The following PDGFA variants were observed in gnomAD, a reference collection of about 807,000 sequenced individuals.
PDGFA encodes platelet-derived growth factor subunit A.
PDGFA carries 9 observed loss-of-function variants against 25.6 expected under a neutral mutation model. That is an observed-to-expected ratio of 0.35 (90% confidence interval 0.21 to 0.61). PDGFA has a LOEUF of 0.61. Among genes scored for constraint, PDGFA ranks in the 20% least tolerant of loss-of-function variants. PDGFA has a pLI of 0.75. For missense variants in PDGFA, 242 were observed against 272.8 expected (o/e 0.89, Z 0.79); for synonymous variants, 133 against 111.8 (o/e 1.19, Z -1.20).
chr7:501,973 C>G (rs1303933994), intron 4 of PDGFA, among the ~76,000 whole-genome samples: 1 of 152,126 alleles, frequency 6.6e-6, no homozygotes, highest in South Asian at 2.1e-4. Flanking sequence ...GCCTGTAATC[C>G]CAGCACTTTG....
At chr7:502,362 C>G (rs888784503) in intron 4 of PDGFA, among the ~76,000 whole-genome samples, 1 of 151,026 alleles carries the variant, frequency 6.6e-6, no homozygotes, top group Admixed American at 6.6e-5. Flanking sequence ...ACCTCCCCGC[C>G]GGCCCCAGGC....
intron 4 of PDGFA, among the ~76,000 whole-genome samples, chr7:508,590 T>TAAAAACCC (rs1275774675): frequency 1.5e-5 from 2 of 130,896 alleles, no homozygotes; most frequent in Non-Finnish European, 3.2e-5. Flanking sequence ...AAAAAAAAAT[T>TAAAAACCC]CTCAGCTGAG....
chr7:516,050 C>G (rs1284044169), intron 2 of PDGFA, among the ~76,000 whole-genome samples: 1 of 33,308 alleles, frequency 3.0e-5, no homozygotes, highest in Non-Finnish European at 6.7e-5. Context: ...GCCCCCCCCC[C>G]CCACTTTTCC....
At chr7:511,470 T>A (rs901195112) in intron 3 of PDGFA, among the ~76,000 whole-genome samples, 3 of 149,622 alleles carry the variant, frequency 2.0e-5, no homozygotes, top group African/African-American at 2.5e-5. Context: ...ACTTGCTGCA[T>A]GCTCTAGCCT....
intron 3 of PDGFA, 88 bp downstream of exon 3, chr7:512,263 C>G: frequency 3.2e-6 from 4 of 1,260,336 alleles, no homozygotes; most frequent in Non-Finnish European, 4.4e-6. Context: ...GGCAGCTCCT[C>G]CCCACCCGGC....
intron 4 of PDGFA, among the ~76,000 whole-genome samples, chr7:506,556 G>A (rs1782573956): frequency 6.6e-6 from 1 of 152,188 alleles, no homozygotes; most frequent in Admixed American, 6.5e-5. Context: ...CCTTCTGGAA[G>A]CCTCCAGCAC....
intron 5 of PDGFA, among the ~76,000 whole-genome samples, chr7:499,239 C>T (rs1485268426): frequency 1.3e-5 from 2 of 152,330 alleles, no homozygotes; most frequent in African/African-American, 2.4e-5. Context: ...CCAGGCCACA[C>T]TTTCAGCAAA....
chr7:519,970 C>T (rs1246147672), upstream of PDGFA: 5 of 311,592 alleles, frequency 1.6e-5, no homozygotes, highest in Non-Finnish European at 3.1e-5. Flanking sequence ...CTCGGAAGCG[C>T]TCGGGGTTCG....
chr7:511,432 A>T (rs547643897), intron 3 of PDGFA, among the ~76,000 whole-genome samples: 1 of 148,210 alleles, frequency 6.7e-6, no homozygotes, highest in Non-Finnish European at 1.5e-5. Context: ...CTGGGGGAGG[A>T]GGGGGCCTTA....
chr7:520,274 C>A (rs868380970), upstream of PDGFA: 1 of 190,220 alleles, frequency 5.3e-6, no homozygotes. Flanking sequence ...CCGGTCCCCG[C>A]CCCCGCCCCG....
At chr7:498,759 T>C (rs1782202570) in intron 5 of PDGFA, among the ~76,000 whole-genome samples, 185 bp from the exon 6 acceptor site, 2 of 152,244 alleles carry the variant, frequency 1.3e-5, no homozygotes, top group Admixed American at 1.3e-4. Context: ...TGCAGTACCC[T>C]GACAGGAATT....
chr7:503,300 C>G (rs949014754), intron 4 of PDGFA, among the ~76,000 whole-genome samples: 4 of 152,164 alleles, frequency 2.6e-5, no homozygotes, highest in Non-Finnish European at 5.9e-5. Context: ...GGAACCAGCC[C>G]TGCCGCATGC....
chr7:512,951 C>T, intron 2 of PDGFA: 1 of 227,954 alleles, frequency 4.4e-6, no homozygotes, highest in Non-Finnish European at 8.9e-6. Flanking sequence ...TGTACGTCTC[C>T]CTCCCTCCCC....
In PDGFA at chr7:500,859, G is replaced by T; in HGVS notation, c.580+257C>A. ...GAATTGGGTGTCTTATGCACTCCCA[G>T]CCCCTCTCAGTGAGACCTGAATCTC... On this transcript the variant is annotated intron_variant, in intron 5 of 5. Transcript: ENST00000402802. This position sits in a 1 kb window ranked among gnomAD's most constrained non-coding sequence, Gnocchi z 5.0. 6.5e-7 allele frequency: 1 copy of T among 1,538,956 alleles called. No homozygotes were observed. The highest frequency in any genetic ancestry group is 1.4e-5 in the African/African-American group (1 of 73,606).
chr7:520,032 C>A, upstream of PDGFA: 1 of 397,476 alleles, frequency 2.5e-6, no homozygotes, highest in Non-Finnish European at 5.0e-6. Context: ...AGCACACACG[C>A]GCTCGCGCAA....
chr7:510,892 C>A, exon 4 of PDGFA: 1 of 1,612,210 alleles, frequency 6.2e-7, no homozygotes, highest in Non-Finnish European at 8.5e-7. Flanking sequence ...TTCACCTCCA[C>A]GCACGGGGGC....
chr7:512,242 CT>C, intron 3 of PDGFA, 108 bp downstream of exon 3: 1 of 1,071,810 alleles, frequency 9.3e-7, no homozygotes, highest in Non-Finnish European at 1.3e-6. Context: ...GGCCACTGCG[CT>C]GGGAGAGCGG....
exon 4 of PDGFA, chr7:510,857 C>T (rs376129932): frequency 1.4e-5 from 23 of 1,609,788 alleles, no homozygotes; most frequent in African/African-American, 6.7e-5. Flanking sequence ...TGACACTGCT[C>T]GTGTTGCAGC....
chr7:512,512 C>A (rs1782903173), intron 2 of PDGFA, 57 bp from the exon 3 acceptor site: 1 of 1,610,034 alleles, frequency 6.2e-7, no homozygotes, highest in African/African-American at 1.3e-5. Context: ...GTGCCCTGGG[C>A]CTGTCCAGCC....
Sources: gnomAD v4.1 joint callset for allele counts (sites outside exome capture counted in the v4.1 genomes callset) on GRCh38, gnomAD v4.1.1 for gene constraint, Gnocchi (gnomAD v3.1) non-coding constraint, MANE v1.5 for transcripts, NCBI Gene and HGNC (gene_info 2026-07-23, HGNC 2026-07-21) for gene names.